The following NVL variants were observed in gnomAD, a reference collection of about 807,000 sequenced individuals.
NVL encodes nuclear valosin-containing protein-like.
A neutral mutation model predicts 110.2 loss-of-function variants in NVL; 84 were observed. That is an observed-to-expected ratio of 0.76 (90% CI 0.64 to 0.91). The LOEUF (loss-of-function observed/expected upper bound fraction) is 0.91. Among genes scored for constraint, NVL ranks in the 40% least tolerant of loss-of-function variants. The probability of loss-of-function intolerance (pLI) is 0.00; values close to 1 mark genes in which losing one functional copy is unlikely to be tolerated. For missense variants in NVL, 882 were observed against 1,035.9 expected (o/e 0.85, Z 2.04); for synonymous variants, 354 against 361.1 (o/e 0.98, Z 0.22).
In NVL at chr1:224,227,652, G is replaced by A. The variant is rs750385827; in HGVS notation, c.2545C>T (p.Arg849Cys). 70 of 1,611,154 alleles carry A rather than the reference G, an allele frequency of 4.3e-5. No homozygotes were observed. Among genetic ancestry groups the A allele is most frequent in the Admixed American group, 3.7e-4 (22 of 59,822 alleles). The part of the protein sequence containing the change: ...ISKKDQIMYE[R>C]LQESLSR ...CACCGGCTGAGGGACTCCTGCAAACGTTCATACATGATTTGATCCTGAAAG... is the reference window on the plus strand; with the variant it reads ...CACCGGCTGAGGGACTCCTGCAAACATTCATACATGATTTGATCCTGAAAG... The change falls in exon 23 of 23, where the codon CGT becomes TGT. Residue 849 changes from arginine (R) to cysteine (C), a missense_variant. Coordinates refer to ENST00000281701, the MANE Select transcript of NVL (RefSeq NM_002533.4).
intron 6 of NVL, among the ~76,000 whole-genome samples, chr1:224,307,178 T>C (rs192948793): frequency 6.6e-6 from 1 of 152,356 alleles, no homozygotes; most frequent in African/African-American, 2.4e-5. Context: ...AAGTCTAATG[T>C]ACACTTTAAG....
At position 224,317,705 on chromosome 1, in the gene NVL, T is replaced by C; in HGVS notation, c.273A>G (p.Glu91=). 1 of 1,593,922 alleles carries C rather than the reference T, an allele frequency of 6.3e-7. No individual in the cohort carries two copies. ...TTTGGTATACTTACTCATTATCCTC[T>C]TCACCTTGTCTTGCCCTTTTTGCCA... ...EHLAKRARQG[E]EDNEYTESYS... is the part of the protein sequence containing the mutation. Residue 91 remains glutamate, a synonymous_variant, in exon 4 of 23, where the codon GAA becomes GAG. Transcript: ENST00000281701.
In NVL at chr1:224,258,207, G is replaced by T. The variant is rs1297200847; in HGVS notation, c.2183-7889C>A. The stretch of plus-strand genomic sequence containing the variant: ...AGAACTCTTACTACTCAATGACAAG[G>T]CAAATAACCTAATTGAAAAATGACC... On this transcript the variant is annotated intron_variant, in intron 18 of 22. Coordinates refer to ENST00000281701, the MANE Select transcript of NVL (RefSeq NM_002533.4). Among the ~76,000 whole-genome samples the T allele has an allele frequency of 4.6e-5, 7 of 152,102 alleles. No individual in the cohort carries two copies. The East Asian group carries it at 1.2e-3, about 25-fold the overall frequency.
chr1:224,328,262 G>A (rs939447052), intron 1 of NVL, among the ~76,000 whole-genome samples: 3 of 152,102 alleles, frequency 2.0e-5, no homozygotes, highest in African/African-American at 7.2e-5. Context: ...GGCCACGCCT[G>A]TAATCCCAGC....
intron 19 of NVL, among the ~76,000 whole-genome samples, chr1:224,244,160 G>T (rs1372576773): frequency 6.6e-6 from 1 of 151,188 alleles, no homozygotes; most frequent in Non-Finnish European, 1.5e-5. Flanking sequence ...ATGAGGTCGG[G>T]AGTTCGAGAC....
At chr1:224,320,983 G>A (rs1670589315) in intron 2 of NVL, among the ~76,000 whole-genome samples, 1 of 152,186 alleles carries the variant, frequency 6.6e-6, no homozygotes, top group Admixed American at 6.6e-5. Context: ...CTGGCACGGT[G>A]GCTCATGCCT....
intron 4 of NVL, chr1:224,313,151 G>A (rs1410851464): frequency 1.4e-5 from 3 of 212,308 alleles, no homozygotes; most frequent in African/African-American, 5.7e-5. Flanking sequence ...AGAGCGAGAC[G>A]CTGTCTCAAA....
chr1:224,272,328 G>A (rs1204038712), intron 17 of NVL, among the ~76,000 whole-genome samples: 1 of 151,578 alleles, frequency 6.6e-6, no homozygotes, highest in Admixed American at 6.6e-5. Flanking sequence ...TTGAGTGAGA[G>A]TGAGACTCTG....
At chr1:224,244,637 A>G (rs1468691926) in intron 19 of NVL, among the ~76,000 whole-genome samples, 1 of 148,800 alleles carries the variant, frequency 6.7e-6, no homozygotes, top group East Asian at 2.0e-4. Context: ...ACGCCCGGCT[A>G]ATTTTTGTAT....
At chr1:224,245,391 G>A (rs2102740491) in intron 19 of NVL, among the ~76,000 whole-genome samples, 1 of 152,322 alleles carries the variant, frequency 6.6e-6, no homozygotes, top group East Asian at 1.9e-4. Flanking sequence ...GATGAGGTAA[G>A]ATAAGGATGT....
At chr1:224,318,655 C>T (rs137885019) in intron 2 of NVL, among the ~76,000 whole-genome samples, 7 of 151,572 alleles carry the variant, frequency 4.6e-5, no homozygotes, top group African/African-American at 9.7e-5. Context: ...ACAGACCCTT[C>T]GTCTCAAAAA....
At chr1:224,305,577 GAC>G (rs1259884570) in intron 6 of NVL, 1 of 160,414 alleles carries the variant, frequency 6.2e-6, no homozygotes, top group Non-Finnish European at 1.4e-5. Flanking sequence ...TTTGTTTTGA[GAC>G]AGAGTTTCAG....
intron 4 of NVL, among the ~76,000 whole-genome samples, chr1:224,315,333 T>C (rs779145347): frequency 4.6e-5 from 7 of 152,142 alleles, no homozygotes; most frequent in African/African-American, 7.2e-5. Context: ...GGAGGCAAGA[T>C]TGGCTTAATA....
At chr1:224,276,280 G>C (rs1665749401) in intron 16 of NVL, among the ~76,000 whole-genome samples, 1 of 152,110 alleles carries the variant, frequency 6.6e-6, no homozygotes, top group Non-Finnish European at 1.5e-5. Flanking sequence ...CTGTCAACCA[G>C]ACAGGAGTGC....
intron 11 of NVL, among the ~76,000 whole-genome samples, chr1:224,295,318 G>A (rs1193522080): frequency 2.0e-5 from 3 of 151,836 alleles, no homozygotes; most frequent in South Asian, 2.1e-4. Context: ...TCAGCCTCCC[G>A]AGTACCTGGG....
intron 2 of NVL, among the ~76,000 whole-genome samples, chr1:224,323,522 C>A (rs964043707): frequency 6.6e-6 from 1 of 152,170 alleles, no homozygotes; most frequent in Non-Finnish European, 1.5e-5. Flanking sequence ...GTTAAAGCAA[C>A]AGAAACACTG....
intron 15 of NVL, among the ~76,000 whole-genome samples, chr1:224,285,811 T>A (rs1051201349): frequency 6.6e-6 from 1 of 152,170 alleles, no homozygotes; most frequent in Non-Finnish European, 1.5e-5. Context: ...TTAAAATTGA[T>A]AGGATTATGG....
intron 10 of NVL, among the ~76,000 whole-genome samples, chr1:224,297,124 C>G (rs1345031830): frequency 1.3e-5 from 2 of 152,146 alleles, no homozygotes; most frequent in African/African-American, 4.8e-5. Context: ...TTTAAAAAAT[C>G]TGTGGTAAAA....
intron 12 of NVL, 64 bp from the exon 13 acceptor site, chr1:224,289,797 C>CTA (rs1401891288): frequency 3.4e-5 from 51 of 1,503,898 alleles, no homozygotes; most frequent in Non-Finnish European, 4.2e-5. Flanking sequence ...AAGTCACCAA[C>CTA]TATATTTATT....
Sources: gnomAD v4.1 joint callset for allele counts (sites outside exome capture counted in the v4.1 genomes callset) on GRCh38, gnomAD v4.1.1 for gene constraint, MANE v1.5 for transcripts, NCBI Gene and HGNC (gene_info 2026-07-23, HGNC 2026-07-21) for gene names.